Variants in TRIM54 observed in about 807,000 individuals in gnomAD.
TRIM54 encodes the protein tripartite motif-containing protein 54.
TRIM54 carries 40 observed loss-of-function variants against 42.0 expected under a neutral mutation model. The ratio of observed to expected loss-of-function variants is 0.95; its 90% CI spans 0.74 to 1.24. The LOEUF (loss-of-function observed/expected upper bound fraction) is 1.24, where lower values mean the gene tolerates loss of function less well. Ranked by LOEUF, TRIM54 falls within the 50% of genes most tolerant of loss-of-function variation. The pLI, the probability that TRIM54 is intolerant of heterozygous loss-of-function variation, is 0.00. For missense variants in TRIM54, 485 were observed against 480.3 expected (o/e 1.01, Z -0.09); for synonymous variants, 199 against 194.9 (o/e 1.02, Z -0.17).
rs1338449059 is a variant in TRIM54 at position 27,306,219 on chromosome 2, G to A, written c.873G>A (p.Gly291=). 6.2e-7 allele frequency: 1 copy of A among 1,614,082 alleles called. No individual in the cohort carries two copies. The highest frequency in any genetic ancestry group is 8.5e-7 in the Non-Finnish European group (1 of 1,180,016). Residue 291 remains glycine, a synonymous_variant, in exon 7 of 9, where the codon GGG becomes GGA. Coordinates refer to ENST00000380075, the MANE Select transcript of TRIM54 (RefSeq NM_187841.3). This position sits in a 1 kb window ranked among gnomAD's most constrained non-coding sequence, Gnocchi z 6.1. The stretch of plus-strand genomic sequence containing the variant: ...GTCCGTGTGGCCACTGCAGGGTCGG[G>A]GCCATGTCGAAGGTGGAGCTGGCAG... ...QQAKELINKV[G]AMSKVELAGR... is the part of the protein sequence containing the mutation.
intron 3 of TRIM54, 119 bp from the exon 4 acceptor site, chr2:27,304,840 A>G: frequency 1.4e-6 from 1 of 714,434 alleles, no homozygotes. Flanking sequence ...ATTGCTGTAG[A>G]TGCCCTTATG....
chr2:27,289,860 CTTTTT>C (rs756771152), intron 1 of TRIM54, among the ~76,000 whole-genome samples: 11 of 100,630 alleles, frequency 1.1e-4, no homozygotes, highest in Admixed American at 2.1e-4. Flanking sequence ...CTCTCTTTCT[CTTTTT>C]TTTTTTTTTT....
In TRIM54 at chr2:27,305,946, C is replaced by G. The variant is rs1679190260; in HGVS notation, c.843+129C>G. 6.4e-6 allele frequency: 9 copies of G among 1,399,742 alleles called. No individual in the cohort carries two copies. In the East Asian group the frequency reaches 2.0e-4, roughly 31 times the overall value. The allele number at this position is 1,399,742 out of a possible 1,614,324, so 86.7% of individuals were successfully genotyped here. A position where few individuals can be genotyped will look rare whatever the true frequency, so the allele number is the denominator to read the frequency against. ...TACGACCTTGGGCAAGTCACCCCCT[C>G]TGAGTTCGTTTTCTGCTTAACGAAT... On this transcript the variant is annotated intron_variant, in intron 5 of 8. Coordinates refer to ENST00000380075, the MANE Select transcript of TRIM54 (RefSeq NM_187841.3).
At chr2:27,289,777 G>A (rs1392421417) in intron 1 of TRIM54, among the ~76,000 whole-genome samples, 1 of 151,794 alleles carries the variant, frequency 6.6e-6, no homozygotes, top group Non-Finnish European at 1.5e-5. Flanking sequence ...AGGTACTCAG[G>A]AGGCTGAAGC....
chr2:27,297,450 A>G (rs1409027459), intron 1 of TRIM54, among the ~76,000 whole-genome samples: 1 of 152,188 alleles, frequency 6.6e-6, no homozygotes, highest in African/African-American at 2.4e-5. Context: ...GGATGGAGCA[A>G]CTACTCTAGG....
At chr2:27,287,079 C>T (rs1039501022) in intron 1 of TRIM54, among the ~76,000 whole-genome samples, 8 of 152,206 alleles carry the variant, frequency 5.3e-5, no homozygotes, top group Non-Finnish European at 1.0e-4. Context: ...AAAACCTAGA[C>T]TAAGGCTTAG....
In TRIM54 at chr2:27,306,010, G is replaced by A. The variant is rs1234027064; in HGVS notation, c.844-70G>A. On this transcript the variant is annotated intron_variant, in intron 5 of 8. Transcript: ENST00000380075. This position sits in a 1 kb window ranked among gnomAD's most constrained non-coding sequence, Gnocchi z 6.1. The stretch of plus-strand genomic sequence containing the variant: ...CCCACCTACCCCGCAGGACTGTGGT[G>A]AGATTCAGAAATGGGACTTTGCCCA... The A allele has an allele frequency of 8.1e-6, 13 of 1,597,984 alleles. No individual in the cohort carries two copies. In the African/African-American group the frequency reaches 1.7e-4, roughly 21 times the overall value.
chr2:27,287,693 A>T (rs1012840928), intron 1 of TRIM54, among the ~76,000 whole-genome samples: 1 of 149,008 alleles, frequency 6.7e-6, no homozygotes, highest in Non-Finnish European at 1.5e-5. Flanking sequence ...TCAGCTAATT[A>T]AAAAAAAAAT....
At chr2:27,283,707 G>A (rs1437507814) in intron 1 of TRIM54, among the ~76,000 whole-genome samples, 1 of 150,986 alleles carries the variant, frequency 6.6e-6, no homozygotes, top group Non-Finnish European at 1.5e-5. Flanking sequence ...TGTGCTACTG[G>A]GGAGGTTCTA....
chr2:27,306,364 A>T lies in TRIM54; in HGVS notation c.991+27A>T, dbSNP rs1679209732. On this transcript the variant is annotated intron_variant, in intron 7 of 8. Coordinates refer to ENST00000380075, the MANE Select transcript of TRIM54 (RefSeq NM_187841.3). This position sits in a 1 kb window ranked among gnomAD's most constrained non-coding sequence, Gnocchi z 6.1. ...TGAAGGAGGTGGCCGAGGGCCGCTG[A>T]GACGGGTTCGGACCCTCTGTGTGGG... The T allele has an allele frequency of 6.2e-7, 1 of 1,613,958 alleles. No homozygotes were observed. Among genetic ancestry groups the T allele is most frequent in the African/African-American group, 1.3e-5 (1 of 75,060 alleles).
chr2:27,285,293 T>C (rs377079569), intron 1 of TRIM54, among the ~76,000 whole-genome samples: 3 of 152,306 alleles, frequency 2.0e-5, no homozygotes, highest in South Asian at 4.1e-4. Flanking sequence ...TTTTGACAAC[T>C]GTAGGCATAA....
At chr2:27,285,876 G>C (rs1454328644) in intron 1 of TRIM54, among the ~76,000 whole-genome samples, 1 of 152,046 alleles carries the variant, frequency 6.6e-6, no homozygotes, top group Non-Finnish European at 1.5e-5. Context: ...TTTGGGAATT[G>C]TGATTTTATA....
chr2:27,306,334 C>T lies in TRIM54; in HGVS notation c.988C>T (p.Pro330Ser), dbSNP rs1679208232. 2 of 1,613,956 alleles carry T rather than the reference C, an allele frequency of 1.2e-6. No homozygotes were observed. Among genetic ancestry groups the T allele is most frequent in the African/African-American group, 2.7e-5 (2 of 74,934 alleles). The change falls in exon 7 of 9, where the codon CCA (proline) becomes TCA (serine). Residue 330 changes from proline (P) to serine (S), a missense_variant. Coordinates refer to ENST00000380075, the MANE Select transcript of TRIM54 (RefSeq NM_187841.3). The surrounding 1 kb of genome is among the most constrained non-coding windows in gnomAD (Gnocchi z 6.1). Reference sequence around the variant, plus strand: ...AATGCTGCGGACCATCGACTTCCAGCCAGGTGAAGGAGGTGGCCGAGGGCC... The same window carrying T: ...AATGCTGCGGACCATCGACTTCCAGTCAGGTGAAGGAGGTGGCCGAGGGCC... ...AEMLRTIDFQ[P>S]GASGEEEEVA...
At chr2:27,302,440 C>T (rs913985667) in intron 3 of TRIM54, among the ~76,000 whole-genome samples, 4 of 150,458 alleles carry the variant, frequency 2.7e-5, no homozygotes, top group Non-Finnish European at 5.9e-5. Context: ...AGCGAGACTC[C>T]GTCTAAAAAT....
At position 27,299,232 on chromosome 2, in the gene TRIM54, C is replaced by G. The variant is rs751383502; in HGVS notation, c.342-13C>G. On this transcript the variant is annotated splice_polypyrimidine_tract_variant and intron_variant, in intron 2 of 8. Transcript: ENST00000380075. Reference sequence around the variant, plus strand: ...TGCTTAAGGTCCACCTCCCCCTGCCCACTCCTCTCTAGGCCGCTGCACTCC... The same window carrying G: ...TGCTTAAGGTCCACCTCCCCCTGCCGACTCCTCTCTAGGCCGCTGCACTCC... 4 of 1,613,250 alleles carry G rather than the reference C, an allele frequency of 2.5e-6. No individual in the cohort carries two copies. In the South Asian group the frequency reaches 4.4e-5, roughly 18 times the overall value.
intron 3 of TRIM54, among the ~76,000 whole-genome samples, chr2:27,304,061 A>T: frequency 6.6e-6 from 1 of 151,534 alleles, no homozygotes; most frequent in African/African-American, 2.4e-5. Flanking sequence ...AAATATAAAA[A>T]ATTAGCCGGA....
rs1247613539 is a variant in TRIM54, at chr2:27,306,550, C to G, written c.*1+8C>G. On this transcript the variant is annotated splice_region_variant and intron_variant, in intron 8 of 8. Transcript: ENST00000380075. The surrounding 1 kb of genome is among the most constrained non-coding windows in gnomAD (Gnocchi z 6.1). ...GGCCGGATGGGCCTTAAGGTGAGAG[C>G]CGCCCGATGGGCCTTAAGGTGAGAG... 2 of 1,538,768 alleles carry G rather than the reference C, an allele frequency of 1.3e-6. No individual in the cohort carries two copies. Among genetic ancestry groups the G allele is most frequent in the Non-Finnish European group, 1.8e-6 (2 of 1,141,920 alleles).
chr2:27,287,864 G>T lies in TRIM54; in HGVS notation c.168+4965G>T, dbSNP rs148982678. 1.6e-4 allele frequency among the ~76,000 whole-genome samples: 25 copies of T among 152,260 alleles called. 1 individual carries two copies. The highest frequency in any genetic ancestry group is 5.8e-4 in the African/African-American group (24 of 41,550). ...CTTTAACATCTCTTGCAATTCTAAC[G>T]ATTTGGTTTCACAAAGTCGAAAAAT... is the stretch of plus-strand genomic sequence containing the variant. On this transcript the variant is annotated intron_variant, in intron 1 of 8. Transcript: ENST00000380075.
chr2:27,305,520 C>A, intron 4 of TRIM54, 64 bp from the exon 5 acceptor site: 1 of 1,398,902 alleles, frequency 7.1e-7, no homozygotes, highest in Admixed American at 2.0e-5. Context: ...TGTGAGTACC[C>A]TGTGCTTTCC....
Sources: allele counts gnomAD v4.1 joint callset (sites outside exome capture counted in the v4.1 genomes callset), GRCh38; gene constraint gnomAD v4.1.1; non-coding constraint Gnocchi (gnomAD v3.1); transcripts MANE v1.5; gene names NCBI Gene and HGNC (gene_info 2026-07-23, HGNC 2026-07-21).